SH3RF2: variants seen among roughly 807,000 people sequenced by gnomAD.
SH3RF2 encodes the protein E3 ubiquitin-protein ligase SH3RF2.
In SH3RF2, 43 loss-of-function variants were observed where a neutral mutation model predicts 59.0. The ratio of observed to expected loss-of-function variants is 0.73; its 90% CI spans 0.57 to 0.94. The LOEUF is 0.94. Among genes scored for constraint, SH3RF2 ranks in the 40% least tolerant of loss-of-function variants. The probability of loss-of-function intolerance (pLI) is 0.00; values close to 1 mark genes in which losing one functional copy is unlikely to be tolerated. For missense variants in SH3RF2, 930 were observed against 940.1 expected (o/e 0.99, Z 0.14); for synonymous variants, 391 against 391.5 (o/e 1.00, Z 0.01).
chr5:146,077,702 T>A (rs1157519697), intron 9 of SH3RF2, among the ~76,000 whole-genome samples: 1 of 152,190 alleles, frequency 6.6e-6, no homozygotes, highest in African/African-American at 2.4e-5. Flanking sequence ...AATTGTCCTG[T>A]TTTCCCTTAT....
chr5:146,067,316 G>A (rs943285418), downstream of SH3RF2, among the ~76,000 whole-genome samples: 4 of 152,172 alleles, frequency 2.6e-5, no homozygotes, highest in Admixed American at 2.6e-4. Flanking sequence ...GGTCAAGGCG[G>A]CTTCAAATAA....
chr5:146,059,549 CGTGT>C (rs1300107074), intron 8 of SH3RF2, among the ~76,000 whole-genome samples: 1 of 149,730 alleles, frequency 6.7e-6, no homozygotes, highest in South Asian at 2.1e-4. Flanking sequence ...TGTGTGTGTA[CGTGT>C]GTGTGTGCGT....
intron 6 of SH3RF2, 112 bp downstream of exon 6, chr5:146,047,975 T>C (rs1389454879): frequency 9.7e-7 from 1 of 1,028,294 alleles, no homozygotes; most frequent in Non-Finnish European, 1.4e-6. Context: ...CCAGAGACAA[T>C]AGGTCGCCTT....
intron 2 of SH3RF2, among the ~76,000 whole-genome samples, chr5:145,975,532 C>G (rs771895993): frequency 6.6e-6 from 1 of 152,210 alleles, no homozygotes; most frequent in Non-Finnish European, 1.5e-5. Flanking sequence ...AGTCCTAGCT[C>G]CCACCCCAGC....
chr5:145,996,332 T>TA (rs1309966332), intron 2 of SH3RF2, among the ~76,000 whole-genome samples: 1 of 152,158 alleles, frequency 6.6e-6, no homozygotes, highest in Non-Finnish European at 1.5e-5. Context: ...CAAAATAAAA[T>TA]ACGACCTTAG....
intron 2 of SH3RF2, among the ~76,000 whole-genome samples, chr5:145,966,087 G>C (rs1758846012): frequency 6.6e-6 from 1 of 152,162 alleles, no homozygotes; most frequent in African/African-American, 2.4e-5. Context: ...AGGAGACACG[G>C]GGGAGGCGTG....
chr5:145,949,315 G>A (rs749766638), intron 2 of SH3RF2, among the ~76,000 whole-genome samples: 3 of 152,184 alleles, frequency 2.0e-5, no homozygotes, highest in Non-Finnish European at 2.9e-5. Flanking sequence ...GAATGATATC[G>A]CTGTACACAT....
chr5:146,050,414 T>C (rs1033711017), intron 7 of SH3RF2, among the ~76,000 whole-genome samples: 1 of 152,234 alleles, frequency 6.6e-6, no homozygotes, highest in African/African-American at 2.4e-5. Flanking sequence ...TTAGAAAGAG[T>C]GCAGGCAAAG....
At chr5:146,007,814 C>T (rs968865869) in intron 4 of SH3RF2, among the ~76,000 whole-genome samples, 32 of 152,260 alleles carry the variant, frequency 2.1e-4, no homozygotes, top group South Asian at 8.3e-4. Context: ...TAAGTGGTTG[C>T]TCTAATCTGG....
intron 2 of SH3RF2, among the ~76,000 whole-genome samples, chr5:145,989,077 A>G (rs1358234477): frequency 1.3e-5 from 2 of 152,218 alleles, no homozygotes; most frequent in South Asian, 2.1e-4. Flanking sequence ...TCCCTTGCCC[A>G]GCATTCCCAA....
chr5:146,015,099 T>G (rs537183039), intron 5 of SH3RF2, among the ~76,000 whole-genome samples: 3 of 152,128 alleles, frequency 2.0e-5, no homozygotes, highest in African/African-American at 7.2e-5. Flanking sequence ...AAACATGAAT[T>G]TCTACCTTGG....
At chr5:146,061,275 C>T (rs1371583190) in intron 9 of SH3RF2, among the ~76,000 whole-genome samples, 1 of 152,180 alleles carries the variant, frequency 6.6e-6, no homozygotes, top group African/African-American at 2.4e-5. Flanking sequence ...ACAGTTGACA[C>T]ATACGTGTGG....
intron 2 of SH3RF2, among the ~76,000 whole-genome samples, chr5:145,998,403 A>G (rs1343512973): frequency 6.6e-6 from 1 of 152,134 alleles, no homozygotes; most frequent in East Asian, 1.9e-4. Context: ...GCTTTCCCTA[A>G]TTAATGTCAG....
intron 5 of SH3RF2, among the ~76,000 whole-genome samples, chr5:146,031,627 G>A (rs979682678): frequency 1.3e-5 from 2 of 152,192 alleles, no homozygotes; most frequent in Non-Finnish European, 2.9e-5. Flanking sequence ...GGGTATAAGG[G>A]GCAGCAATGC....
At chr5:146,035,036 G>A (rs981919473) in intron 5 of SH3RF2, among the ~76,000 whole-genome samples, 1 of 152,042 alleles carries the variant, frequency 6.6e-6, no homozygotes, top group African/African-American at 2.4e-5. Context: ...AACCCGAGAA[G>A]TGGAGATTGC....
chr5:145,951,009 C>T (rs1758172370), intron 2 of SH3RF2, among the ~76,000 whole-genome samples: 1 of 152,150 alleles, frequency 6.6e-6, no homozygotes, highest in Non-Finnish European at 1.5e-5. Context: ...ATTCCAGCAA[C>T]CCAAATTTAA....
intron 5 of SH3RF2, among the ~76,000 whole-genome samples, chr5:146,046,305 A>G (rs563079214): frequency 3.9e-5 from 6 of 152,344 alleles, no homozygotes; most frequent in African/African-American, 1.4e-4. Flanking sequence ...TTAAATTGCC[A>G]TGGGCCTTGA....
intron 2 of SH3RF2, among the ~76,000 whole-genome samples, chr5:145,977,446 C>G (rs1050133680): frequency 6.6e-6 from 1 of 152,206 alleles, no homozygotes; most frequent in Non-Finnish European, 1.5e-5. Flanking sequence ...TTACATATAT[C>G]TGTACAAGGT....
chr5:145,937,762 G>A (rs1470261450), intron 1 of SH3RF2, 61 bp from the exon 2 acceptor site: 1 of 748,558 alleles, frequency 1.3e-6, no homozygotes. Flanking sequence ...CTCAATGTAG[G>A]TGGGATATAC....
Sources: allele counts gnomAD v4.1 joint callset (sites outside exome capture counted in the v4.1 genomes callset), GRCh38; gene constraint gnomAD v4.1.1; transcripts MANE v1.5; gene names NCBI Gene and HGNC (gene_info 2026-07-23, HGNC 2026-07-21).